The following NPSR1 variants were observed in gnomAD, a reference collection of about 807,000 sequenced individuals.
NPSR1 encodes neuropeptide S receptor 1, also known as neuropeptide S receptor.
In NPSR1, 48 loss-of-function variants were observed where a neutral mutation model predicts 46.9. The observed-to-expected ratio is 1.02, with a 90% confidence interval of 0.81 to 1.30. NPSR1 has a LOEUF of 1.30. Ranked by LOEUF, NPSR1 falls within the 50% of genes most tolerant of loss-of-function variation. The pLI, the probability that NPSR1 is intolerant of heterozygous loss-of-function variation, is 0.00. For missense variants in NPSR1, 450 were observed against 449.5 expected (o/e 1.00, Z -0.01); for synonymous variants, 176 against 168.1 (o/e 1.05, Z -0.36).
Position 34,818,497 on chromosome 7 carries a change from G to T in NPSR1, c.478+6634G>T, listed in dbSNP as rs192968923. Among the ~76,000 whole-genome samples, 946 of 152,222 alleles carry T rather than the reference G, an allele frequency of 6.2e-3. 5 individuals carry two copies. Among genetic ancestry groups the T allele is most frequent in the African/African-American group, 0.022 (907 of 41,516 alleles). On this transcript the variant is annotated intron_variant, in intron 4 of 8. Coordinates refer to ENST00000360581, the MANE Select transcript of NPSR1 (RefSeq NM_207172.2). ...TAGTGAAAATGGCCATACTGCCCAA[G>T]GTATTTTATAGATTCAGTGCCATCC...
chr7:34,696,632 A>C (rs535884529), intron 2 of NPSR1, among the ~76,000 whole-genome samples: 2 of 152,216 alleles, frequency 1.3e-5, no homozygotes, highest in Non-Finnish European at 2.9e-5. Flanking sequence ...TTGAACTGGA[A>C]TATAGGTCCA....
At chr7:34,792,751 G>A (rs1199239226) in intron 3 of NPSR1, among the ~76,000 whole-genome samples, 5 of 111,088 alleles carry the variant, frequency 4.5e-5, no homozygotes, top group Non-Finnish European at 1.0e-4. Flanking sequence ...GGCATGGTGG[G>A]TGTGTGTCTG....
chr7:34,828,878 A>G (rs1303212997), intron 5 of NPSR1, among the ~76,000 whole-genome samples: 2 of 152,222 alleles, frequency 1.3e-5, no homozygotes, highest in Admixed American at 1.3e-4. Flanking sequence ...CTTGTAGAAA[A>G]GGTATATTCT....
intron 4 of NPSR1, among the ~76,000 whole-genome samples, chr7:34,812,376 T>C (rs567118241): frequency 7.2e-4 from 109 of 152,096 alleles, no homozygotes; most frequent in African/African-American, 2.4e-3. Flanking sequence ...TAGGGATCCC[T>C]AAGAAAAGGA....
chr7:34,739,470 G>T (rs920508832), intron 2 of NPSR1, among the ~76,000 whole-genome samples: 3 of 152,024 alleles, frequency 2.0e-5, no homozygotes, highest in Non-Finnish European at 4.4e-5. Flanking sequence ...GTTTTGGTTT[G>T]CATTTTCCTA....
At chr7:34,820,061 T>TA (rs1409430239) in intron 4 of NPSR1, among the ~76,000 whole-genome samples, 26 of 151,966 alleles carry the variant, frequency 1.7e-4, no homozygotes, top group Non-Finnish European at 2.4e-4. Flanking sequence ...AATGATAATT[T>TA]AAAAAAAAGA....
At chr7:34,669,521 A>G (rs1791931205) in intron 1 of NPSR1, among the ~76,000 whole-genome samples, 1 of 151,950 alleles carries the variant, frequency 6.6e-6, no homozygotes, top group Non-Finnish European at 1.5e-5. Context: ...GTGAGCCAAG[A>G]TCACACCATT....
intron 4 of NPSR1, among the ~76,000 whole-genome samples, chr7:34,816,069 T>C (rs1265542515): frequency 5.9e-5 from 9 of 152,012 alleles, no homozygotes; most frequent in Non-Finnish European, 8.8e-5. Context: ...TATAACAATA[T>C]TAACCTTAAA....
intron 2 of NPSR1, chr7:34,711,135 A>T (rs879037226): frequency 6.8e-6 from 2 of 292,366 alleles, no homozygotes; most frequent in African/African-American, 4.5e-5. Flanking sequence ...AAGCTCAACA[A>T]GCTTAGCATG....
At chr7:34,875,212 G>T (rs192428471) in intron 8 of NPSR1, among the ~76,000 whole-genome samples, 1 of 152,164 alleles carries the variant, frequency 6.6e-6, no homozygotes. Context: ...AGTAATTAAA[G>T]GTCAAAGTGA....
At chr7:34,821,352 ACTCCTGGGCTCAAG>A (rs1433006728) in intron 4 of NPSR1, among the ~76,000 whole-genome samples, 1 of 151,522 alleles carries the variant, frequency 6.6e-6, no homozygotes, top group African/African-American at 2.4e-5. Context: ...CTGGTCTCAA[ACTCCTGGGCTCAAG>A]CAATCCACCT....
intron 4 of NPSR1, among the ~76,000 whole-genome samples, chr7:34,819,023 A>T (rs375793083): frequency 6.6e-6 from 1 of 152,166 alleles, no homozygotes; most frequent in Non-Finnish European, 1.5e-5. Flanking sequence ...AGACTTCATG[A>T]CTAAAACACC....
At chr7:34,697,175 T>C (rs1793574087) in intron 2 of NPSR1, among the ~76,000 whole-genome samples, 1 of 151,946 alleles carries the variant, frequency 6.6e-6, no homozygotes, top group Non-Finnish European at 1.5e-5. Flanking sequence ...TATGTAAGTT[T>C]AAGATTTTTT....
At chr7:34,711,509 T>A (rs1783284281) in intron 2 of NPSR1, 1 of 152,180 alleles carries the variant, frequency 6.6e-6, no homozygotes, top group South Asian at 2.1e-4. Context: ...ATTTTTGTAA[T>A]CTTGTCAGTT....
intron 6 of NPSR1, among the ~76,000 whole-genome samples, chr7:34,838,885 G>A (rs938622364): frequency 6.6e-6 from 1 of 152,142 alleles, no homozygotes; most frequent in Non-Finnish European, 1.5e-5. Context: ...TACTGCATGG[G>A]CAAGTGTACC....
At chr7:34,811,681 T>A (rs1028012255) in intron 3 of NPSR1, 89 bp from the exon 4 acceptor site, 4 of 850,944 alleles carry the variant, frequency 4.7e-6, no homozygotes, top group African/African-American at 1.7e-5. Context: ...CCTCTCAGAT[T>A]TCTAAATAAC....
intron 2 of NPSR1, among the ~76,000 whole-genome samples, chr7:34,740,210 C>G (rs532112470): frequency 2.6e-5 from 4 of 151,956 alleles, no homozygotes; most frequent in African/African-American, 4.8e-5. Context: ...ACAGGCCTCA[C>G]CCAGCTCCCA....
intron 2 of NPSR1, among the ~76,000 whole-genome samples, chr7:34,703,524 A>G (rs1793953661): frequency 6.6e-6 from 1 of 152,130 alleles, no homozygotes; most frequent in African/African-American, 2.4e-5. Flanking sequence ...AAAACACATC[A>G]CTTAGAACAT....
intron 8 of NPSR1, among the ~76,000 whole-genome samples, chr7:34,862,905 T>C (rs554729435): frequency 6.6e-6 from 1 of 151,882 alleles, no homozygotes; most frequent in South Asian, 2.1e-4. Flanking sequence ...TAGACCATCA[T>C]ATGTTCTACA....
Sources: allele counts gnomAD v4.1 joint callset (sites outside exome capture counted in the v4.1 genomes callset), GRCh38; gene constraint gnomAD v4.1.1; transcripts MANE v1.5; gene names NCBI Gene and HGNC (gene_info 2026-07-23, HGNC 2026-07-21).